Variants in HIPK1 observed in about 807,000 individuals in gnomAD.
HIPK1 encodes the protein homeodomain interacting protein kinase 1.
A neutral mutation model predicts 117.1 loss-of-function variants in HIPK1; 28 were observed. The ratio of observed to expected loss-of-function variants is 0.24; its 90% confidence interval spans 0.18 to 0.33. The LOEUF is 0.33. Ranked by LOEUF, HIPK1 falls within the 10% of genes least tolerant of loss-of-function variation. HIPK1 has a pLI of 1.00. For synonymous variants in HIPK1, 605 were observed against 562.5 expected (o/e 1.08, Z -1.07); for missense variants, 1,122 against 1,475.1 (o/e 0.76, Z 3.92).
intron 4 of HIPK1, 41 bp from the exon 5 acceptor site, chr1:113,955,522 C>G (rs763200519): frequency 8.4e-7 from 1 of 1,183,872 alleles, no homozygotes; most frequent in African/African-American, 1.5e-5. Context: ...GTGAAAATAA[C>G]ATACAGATGG....
At chr1:113,943,273 G>C (rs1186573423) in intron 2 of HIPK1, among the ~76,000 whole-genome samples, 1 of 152,108 alleles carries the variant, frequency 6.6e-6, no homozygotes, top group Non-Finnish European at 1.5e-5. Flanking sequence ...TAACCATTAA[G>C]CAATAACTCC....
chr1:113,929,650 A>G (rs1387577275), intron 1 of HIPK1, 118 bp downstream of exon 1: 4 of 1,002,488 alleles, frequency 4.0e-6, no homozygotes, highest in Middle Eastern at 4.2e-4. Flanking sequence ...GCTGCGGAGC[A>G]AGGGGCCCGG....
At position 113,973,407 on chromosome 1, in the gene HIPK1, A is replaced by G. The variant is rs1176998286; in HGVS notation, c.3528A>G (p.Gln1176=). 2.5e-6 allele frequency: 4 copies of G among 1,614,042 alleles called. No individual in the cohort carries two copies. In the Admixed American group the frequency reaches 6.7e-5, roughly 27 times the overall value. The part of the protein sequence containing the change: ...TSASVAPAQY[Q]HQFATQSYIG... ...CCAGCGTGGCCCCTGCTCAGTACCAACACCAGTTTGCCACCCAATCCTACA... is the reference window on the plus strand; with the variant it reads ...CCAGCGTGGCCCCTGCTCAGTACCAGCACCAGTTTGCCACCCAATCCTACA... Residue 1176 remains glutamine, a synonymous_variant, in exon 16 of 16, where the codon CAA becomes CAG. Transcript: ENST00000426820.
chr1:113,968,308 T>A, intron 12 of HIPK1, 134 bp from the exon 13 acceptor site: 1 of 699,534 alleles, frequency 1.4e-6, no homozygotes, highest in East Asian at 2.6e-5. Context: ...CTGGAACTTA[T>A]ATAGTTAAAT....
Position 113,944,159 on chromosome 1 carries a change from G to GTTTTTTTTT in HIPK1, c.1076+2721_1076+2729dup, listed in dbSNP as rs140161727. On this transcript the variant is annotated intron_variant, in intron 2 of 15. Coordinates refer to ENST00000426820, the MANE Select transcript of HIPK1 (RefSeq NM_198268.3). ...TTTGTTTTTTAAATAATAGCCATGG[G>GTTTTTTTTT]TTTTTTTTTTTTTTTTTTTTTTTTT... 5.6e-4 allele frequency among the ~76,000 whole-genome samples: 31 copies of GTTTTTTTTT among 55,234 alleles called. 7 individuals carry two copies. Among genetic ancestry groups the GTTTTTTTTT allele is most frequent in the African/African-American group, 2.0e-3 (23 of 11,530 alleles). The allele number at this position is 55,234 out of a possible 152,430, so 36.2% of individuals were successfully genotyped here. A position where few individuals can be genotyped will look rare whatever the true frequency, so the allele number is the denominator to read the frequency against.
intron 1 of HIPK1, among the ~76,000 whole-genome samples, chr1:113,939,632 A>C (rs967344964): frequency 2.0e-5 from 3 of 152,120 alleles, no homozygotes; most frequent in Non-Finnish European, 4.4e-5. Flanking sequence ...GAAGATGACT[A>C]ATTTTGAGGA....
chr1:113,973,077 C>T lies in HIPK1; in HGVS notation c.3198C>T (p.Ala1066=), dbSNP rs995492156. 9 of 1,533,808 alleles carry T rather than the reference C, an allele frequency of 5.9e-6. No individual in the cohort carries two copies. Among genetic ancestry groups the T allele is most frequent in the Non-Finnish European group, 7.9e-6 (9 of 1,140,870 alleles). ...CACAGGAGAGAAGCAGCAACCCAGC[C>T]CCCCGCAGGCAGCAGGCGTTTGTGG... The part of the protein sequence containing the change: ...PTSQERSSNP[A]PRRQQAFVAP... Residue 1066 remains alanine (A), a synonymous_variant, in exon 16 of 16, where the codon GCC becomes GCT. Transcript: ENST00000426820.
chr1:113,935,330 C>T (rs1670185525), intron 1 of HIPK1, among the ~76,000 whole-genome samples: 1 of 152,292 alleles, frequency 6.6e-6, no homozygotes, highest in Middle Eastern at 3.4e-3. Flanking sequence ...CCAGCTTCAT[C>T]CATGTTGCCT....
At chr1:113,955,497 G>C in intron 4 of HIPK1, 66 bp from the exon 5 acceptor site, 2 of 957,638 alleles carry the variant, frequency 2.1e-6, no homozygotes, top group South Asian at 3.0e-5. Flanking sequence ...TTCTGGCTTT[G>C]GTTTTGAATA....
intron 3 of HIPK1, among the ~76,000 whole-genome samples, chr1:113,954,290 G>A (rs1039381988): frequency 2.0e-5 from 3 of 152,116 alleles, no homozygotes; most frequent in Admixed American, 1.3e-4. Flanking sequence ...TTACTTGTCC[G>A]TAAATACACT....
rs17032027 is a variant in HIPK1 at position 113,964,907 on chromosome 1, C to T, written c.2239-1223C>T. 5.6e-3 allele frequency among the ~76,000 whole-genome samples: 852 copies of T among 152,340 alleles called. 10 individuals are homozygous for T. Among genetic ancestry groups the T allele is most frequent in the African/African-American group, 0.019 (793 of 41,582 alleles). On this transcript the variant is annotated intron_variant, in intron 10 of 15. Transcript: ENST00000426820. ...TGTCAAAACAGTTCGTCGCTTGGAA[C>T]GCCAGATTTCTGCCTCACATTGGAA...
chr1:113,941,508 T>G lies in HIPK1; in HGVS notation c.1076+49T>G, dbSNP rs1194593937. The G allele has an allele frequency of 3.5e-6, 5 of 1,409,504 alleles. No individual in the cohort carries two copies. The highest frequency in any genetic ancestry group is 4.9e-6 in the Non-Finnish European group (5 of 1,015,842). 87.3% of individuals were successfully genotyped at this position (1,409,504 alleles called of 1,614,324 possible). On this transcript the variant is annotated intron_variant, in intron 2 of 15. Transcript: ENST00000426820. This position sits in a 1 kb window ranked among gnomAD's most constrained non-coding sequence, Gnocchi z 4.9. ...GTATCTTAGGCTAGAGTTCTGTCCTTATATTTAACATATACCCCGTAGGCT... is the reference window on the plus strand; with the variant it reads ...GTATCTTAGGCTAGAGTTCTGTCCTGATATTTAACATATACCCCGTAGGCT...
chr1:113,935,626 A>G (rs1397354917), intron 1 of HIPK1, among the ~76,000 whole-genome samples: 2 of 152,176 alleles, frequency 1.3e-5, no homozygotes, highest in Non-Finnish European at 2.9e-5. Flanking sequence ...GGGTGAACTA[A>G]TTTATACTCC....
At chr1:113,968,859 A>G (rs1331973715) in intron 13 of HIPK1, among the ~76,000 whole-genome samples, 12 of 152,152 alleles carry the variant, frequency 7.9e-5, no homozygotes, top group Non-Finnish European at 1.6e-4. Context: ...TGTCTCTACT[A>G]AAAATACAAA....
At position 113,962,435 on chromosome 1, in the gene HIPK1, G is replaced by T. The variant is rs779021472; in HGVS notation, c.2100G>T (p.Thr700=). 5 of 1,613,234 alleles carry T rather than the reference G, an allele frequency of 3.1e-6. No homozygotes were observed. The highest frequency in any genetic ancestry group is 3.4e-6 in the Non-Finnish European group (4 of 1,179,492). ...TACAGATTCAGTCAGGAGTTCTCAC[G>T]CAGGTAAAAGCTAGAGCAATGTGGA... is the stretch of plus-strand genomic sequence containing the variant. ...QPLQIQSGVL[T]QGSCTPLMVA... The change falls in exon 9 of 16, where the codon ACG becomes ACT. Residue 700 remains threonine, a synonymous_variant. Transcript: ENST00000426820.
chr1:113,942,204 G>A (rs1377158243), intron 2 of HIPK1, among the ~76,000 whole-genome samples: 1 of 151,914 alleles, frequency 6.6e-6, no homozygotes, highest in East Asian at 1.9e-4. Context: ...GGGACTACAG[G>A]CACCTGCTAC....
intron 11 of HIPK1, among the ~76,000 whole-genome samples, 156 bp from the exon 12 acceptor site, chr1:113,967,610 C>T (rs993869861): frequency 4.6e-5 from 7 of 151,972 alleles, no homozygotes; most frequent in African/African-American, 9.7e-5. Flanking sequence ...GAGCTGCTTA[C>T]GTATTCTGGT....
At chr1:113,929,674 C>G in intron 1 of HIPK1, 142 bp downstream of exon 1, 1 of 890,882 alleles carries the variant, frequency 1.1e-6, no homozygotes, top group Non-Finnish European at 1.4e-6. Flanking sequence ...TAGCCCCGGA[C>G]GGCAGCAGGA....
At chr1:113,929,835 C>G (rs1182894242) in intron 1 of HIPK1, 1 of 987,496 alleles carries the variant, frequency 1.0e-6, no homozygotes, top group Non-Finnish European at 1.2e-6. Flanking sequence ...CGGGCCGGCT[C>G]GCGCGGGGGG....
Sources: allele counts gnomAD v4.1 joint callset (sites outside exome capture counted in the v4.1 genomes callset), GRCh38; gene constraint gnomAD v4.1.1; non-coding constraint Gnocchi (gnomAD v3.1); transcripts MANE v1.5; gene names NCBI Gene and HGNC (gene_info 2026-07-23, HGNC 2026-07-21).